Variants in THOC2 observed in about 807,000 individuals in gnomAD.
The protein encoded by THOC2 is THO complex 2.
THOC2 carries 10 observed loss-of-function variants against 128.4 expected under a neutral mutation model. The observed-to-expected ratio is 0.08, with a 90% confidence interval of 0.05 to 0.13. The LOEUF (loss-of-function observed/expected upper bound fraction) is 0.13. THOC2 is among the 10% of genes least tolerant of loss of function. THOC2 has a pLI of 1.00. For synonymous variants in THOC2, 393 were observed against 396.9 expected, an observed-to-expected ratio of 0.99 and a Z score of 0.12; for missense variants, 535 against 1,155.7, an observed-to-expected ratio of 0.46 and a Z score of 7.79.
rs772119820 is a variant in THOC2, at chrX:123,690,445, G to T, written c.602-3731C>A. ...AAAATGTTTACGCTACCCTTGAGAA[G>T]AGTTCACACCTTTTGAATGATACAT... is the stretch of plus-strand genomic sequence containing the variant. On this transcript the variant is annotated intron_variant, in intron 7 of 38. Transcript: ENST00000245838. Among the ~76,000 whole-genome samples, 3 of 112,050 alleles carry T rather than the reference G, an allele frequency of 2.7e-5. No individual in the cohort carries two copies. The East Asian group carries it at 8.3e-4, about 31-fold the overall frequency.
At chrX:123,678,048 G>A (rs942586210) in intron 8 of THOC2, among the ~76,000 whole-genome samples, 11 of 109,835 alleles carry the variant, frequency 1.0e-4, no homozygotes, top group African/African-American at 3.0e-4. Context: ...CTCATGAAGC[G>A]GTCATCTATG....
At chrX:123,679,317 C>T (rs1020774400) in intron 8 of THOC2, among the ~76,000 whole-genome samples, 2 of 111,684 alleles carry the variant, frequency 1.8e-5, no homozygotes, top group Non-Finnish European at 3.8e-5. Flanking sequence ...CCTTAAATGA[C>T]CTATCAGAGG....
chrX:123,658,559 TA>T (rs769937450), intron 12 of THOC2, among the ~76,000 whole-genome samples: 1 of 112,231 alleles, frequency 8.9e-6, no homozygotes, highest in East Asian at 2.8e-4. Context: ...AGAGGAAACC[TA>T]AATGTGTATA....
chrX:123,683,097 AT>A (rs1052761068), intron 8 of THOC2, among the ~76,000 whole-genome samples: 9 of 110,845 alleles, frequency 8.1e-5, no homozygotes, highest in East Asian at 2.8e-4. Context: ...AGATTTTGGA[AT>A]TTTTTTTCAG....
intron 19 of THOC2, 127 bp downstream of exon 19, chrX:123,635,952 G>A: frequency 2.3e-6 from 1 of 438,502 alleles, no homozygotes; most frequent in Non-Finnish European, 3.8e-6. Flanking sequence ...GTAAATAAGT[G>A]AGCAACTATT....
chrX:123,608,492 G>C (rs930796243), intron 38 of THOC2, among the ~76,000 whole-genome samples: 1 of 109,768 alleles, frequency 9.1e-6, no homozygotes, highest in Non-Finnish European at 1.9e-5. Flanking sequence ...GGGAGGCCAA[G>C]GCAGGTGGAT....
chrX:123,611,618 C>T, intron 36 of THOC2, 102 bp from the exon 37 acceptor site: 1 of 495,851 alleles, frequency 2.0e-6, no homozygotes, highest in South Asian at 4.1e-5. Flanking sequence ...TCTTCAAAAA[C>T]TTACTTAACA....
intron 8 of THOC2, among the ~76,000 whole-genome samples, chrX:123,678,556 C>T (rs1792341756): frequency 9.1e-6 from 1 of 110,434 alleles, no homozygotes; most frequent in Admixed American, 9.7e-5. Flanking sequence ...CGTGAGCTAC[C>T]GTGCCTGGCC....
intron 26 of THOC2, 23 bp from the exon 27 acceptor site, chrX:123,624,214 T>C (rs1192907641): frequency 5.2e-6 from 6 of 1,150,877 alleles, no homozygotes; most frequent in Non-Finnish European, 6.9e-6. Flanking sequence ...TGTTTGTCAC[T>C]TTTAAAGAAA....
rs7059901 is a variant in THOC2 at position 123,646,847 on chromosome X, T to A, written c.1387-1472A>T. Reference sequence around the variant, plus strand: ...CACATAATTCTGGTGGCACATAGGGTGTACATTGGGAAGCAAAAATACAGG... The same window carrying A: ...CACATAATTCTGGTGGCACATAGGGAGTACATTGGGAAGCAAAAATACAGG... On this transcript the variant is annotated intron_variant, in intron 12 of 38. Coordinates refer to ENST00000245838, the MANE Select transcript of THOC2 (RefSeq NM_001081550.2). Among the ~76,000 whole-genome samples the A allele has an allele frequency of 4.5e-3, 502 of 111,042 alleles. 3 individuals are homozygous for A. The highest frequency in any genetic ancestry group is 0.016 in the African/African-American group (481 of 30,468).
At chrX:123,703,314 G>C (rs1040450258) in intron 4 of THOC2, 140 bp downstream of exon 4, 3 of 381,633 alleles carry the variant, frequency 7.9e-6, no homozygotes, top group African/African-American at 5.2e-5. Context: ...GACTTATATT[G>C]CTATATTCTC....
intron 5 of THOC2, among the ~76,000 whole-genome samples, chrX:123,697,231 G>A (rs748865507): frequency 2.7e-5 from 3 of 111,618 alleles, no homozygotes; most frequent in South Asian, 3.7e-4. Context: ...TCTCAACCAC[G>A]GCAGTTCTCC....
intron 4 of THOC2, among the ~76,000 whole-genome samples, chrX:123,700,427 C>G (rs1170396031): frequency 9.7e-6 from 1 of 102,884 alleles, no homozygotes; most frequent in African/African-American, 3.5e-5. Flanking sequence ...CTTGAACCCA[C>G]GAGGTGGAGG....
At chrX:123,614,436 A>G (rs917266026) in intron 33 of THOC2, among the ~76,000 whole-genome samples, 1 of 110,623 alleles carries the variant, frequency 9.0e-6, no homozygotes. Context: ...CTCATTAGTA[A>G]ATTCACAAGC....
rs1479479255 is a variant in THOC2, at chrX:123,600,850, T to G, written c.*507A>C. On this transcript the variant is annotated 3_prime_UTR_variant, in exon 39 of 39. Transcript: ENST00000245838. ...GTTGTACATGTACTATATAAAATGA[T>G]TCCTAAGCATTTCATAAGACAATGC... The G allele has an allele frequency of 4.4e-5, 5 of 112,738 alleles. No individual in the cohort carries two copies. Among genetic ancestry groups the G allele is most frequent in the African/African-American group, 1.6e-4 (5 of 30,972 alleles). 9.3% of individuals were successfully genotyped at this position (112,738 alleles called of 1,213,427 possible).
intron 9 of THOC2, among the ~76,000 whole-genome samples, chrX:123,669,976 G>A (rs1279338027): frequency 2.7e-5 from 3 of 112,025 alleles, no homozygotes; most frequent in African/African-American, 9.7e-5. Flanking sequence ...CACTCAGTCT[G>A]CTTACATTTA....
chrX:123,697,818 CTTATT>C (rs1327290682), intron 4 of THOC2, 67 bp from the exon 5 acceptor site: 1 of 482,598 alleles, frequency 2.1e-6, no homozygotes, highest in Non-Finnish European at 3.4e-6. Flanking sequence ...AAGTAAGATA[CTTATT>C]TTATTTGAAA....
intron 4 of THOC2, among the ~76,000 whole-genome samples, chrX:123,700,031 TTC>T (rs908245205): frequency 1.8e-5 from 2 of 111,116 alleles, no homozygotes; most frequent in African/African-American, 6.6e-5. Context: ...CTCGAATAAA[TTC>T]TCTTTAATTT....
intron 1 of THOC2, among the ~76,000 whole-genome samples, chrX:123,731,835 G>C (rs2052275557): frequency 9.0e-6 from 1 of 111,508 alleles, no homozygotes; most frequent in South Asian, 3.8e-4. Flanking sequence ...TCCAAGTAAC[G>C]AAGTTACAAA....
Sources: gnomAD v4.1 joint callset for allele counts (sites outside exome capture counted in the v4.1 genomes callset) on GRCh38, gnomAD v4.1.1 for gene constraint, MANE v1.5 for transcripts, NCBI Gene and HGNC (gene_info 2026-07-23, HGNC 2026-07-21) for gene names.